The following CPNE4 variants were observed in gnomAD, a reference collection of about 807,000 sequenced individuals.
The protein encoded by CPNE4 is copine-4.
In CPNE4, 25 loss-of-function variants were observed where a neutral mutation model predicts 67.9. That is an observed-to-expected ratio of 0.37 (90% CI 0.27 to 0.51). The LOEUF (loss-of-function observed/expected upper bound fraction) is 0.51, where lower values mean the gene tolerates loss of function less well. CPNE4 is among the 20% of genes least tolerant of loss of function. CPNE4 has a pLI of 0.93. For synonymous variants in CPNE4, 242 were observed against 244.9 expected (o/e 0.99, Z 0.11); for missense variants, 464 against 690.8 (o/e 0.67, Z 3.68).
intron 1 of CPNE4, among the ~76,000 whole-genome samples, chr3:131,961,517 C>A (rs1158140382): frequency 6.6e-6 from 1 of 152,140 alleles, no homozygotes; most frequent in Non-Finnish European, 1.5e-5. Flanking sequence ...TAAGATACAG[C>A]ATTTTCTGTG....
chr3:131,912,901 C>A (rs926023272), intron 1 of CPNE4, among the ~76,000 whole-genome samples: 4 of 152,146 alleles, frequency 2.6e-5, no homozygotes, highest in African/African-American at 9.7e-5. Flanking sequence ...AGCCTGCGGA[C>A]TACACCTTGA....
intron 2 of CPNE4, among the ~76,000 whole-genome samples, chr3:131,806,774 C>T (rs1412991245): frequency 2.0e-5 from 3 of 152,104 alleles, no homozygotes; most frequent in Non-Finnish European, 4.4e-5. Context: ...ACTCCATGTC[C>T]CTTGCCTCTG....
At chr3:131,872,951 A>AACT (rs199897991) in intron 2 of CPNE4, among the ~76,000 whole-genome samples, 10,317 of 152,298 alleles carry the variant, frequency 0.068, 472 homozygotes, top group Middle Eastern at 0.14. Context: ...GCCCTGTCTT[A>AACT]ATTCTTCACC....
chr3:131,856,270 T>C (rs1400343771), intron 2 of CPNE4, among the ~76,000 whole-genome samples: 1 of 151,918 alleles, frequency 6.6e-6, no homozygotes, highest in Non-Finnish European at 1.5e-5. Context: ...ACATAAACCA[T>C]GTCTTACATG....
intron 7 of CPNE4, among the ~76,000 whole-genome samples, chr3:131,629,571 A>G (rs1272392185): frequency 2.0e-5 from 3 of 151,986 alleles, no homozygotes; most frequent in Non-Finnish European, 4.4e-5. Flanking sequence ...CAGTCTCTCA[A>G]GTAGCTGGGA....
At chr3:131,692,327 G>A (rs574162468) in intron 5 of CPNE4, among the ~76,000 whole-genome samples, 57 of 152,264 alleles carry the variant, frequency 3.7e-4, no homozygotes, top group African/African-American at 1.3e-3. Flanking sequence ...ATGCTTATGA[G>A]CTTTGGGGAT....
chr3:131,689,338 A>G (rs773084658), intron 5 of CPNE4, among the ~76,000 whole-genome samples: 4 of 152,144 alleles, frequency 2.6e-5, no homozygotes, highest in Non-Finnish European at 5.9e-5. Context: ...AAAATCCTCA[A>G]CAAAATACTA....
chr3:131,862,853 C>T (rs2086749982), intron 2 of CPNE4, among the ~76,000 whole-genome samples: 1 of 151,614 alleles, frequency 6.6e-6, no homozygotes, highest in Non-Finnish European at 1.5e-5. Flanking sequence ...TGCTATCCCT[C>T]CCCCATCCCC....
intron 1 of CPNE4, among the ~76,000 whole-genome samples, chr3:131,950,707 T>C (rs963077213): frequency 2.0e-5 from 3 of 152,206 alleles, no homozygotes; most frequent in African/African-American, 7.2e-5. Flanking sequence ...TTCCTGGATA[T>C]TAAAATATAG....
chr3:132,015,529 A>ACC (rs1007895820), intron 1 of CPNE4, among the ~76,000 whole-genome samples: 6 of 151,558 alleles, frequency 4.0e-5, no homozygotes, highest in East Asian at 1.9e-4. Context: ...ACACACACAC[A>ACC]CCCAACACAT....
At chr3:131,832,779 TTTTAGAC>T (rs2085423539) in intron 2 of CPNE4, among the ~76,000 whole-genome samples, 1 of 152,140 alleles carries the variant, frequency 6.6e-6, no homozygotes. Context: ...AGACTTTAGA[TTTTAGAC>T]TTTAGAGTTG....
At chr3:131,631,380 T>C (rs1034172704) in intron 7 of CPNE4, among the ~76,000 whole-genome samples, 1 of 152,184 alleles carries the variant, frequency 6.6e-6, no homozygotes, top group East Asian at 1.9e-4. Context: ...AGTAGTTTTA[T>C]GTGGGAAAGG....
At chr3:131,817,777 G>T (rs1300737765) in intron 2 of CPNE4, among the ~76,000 whole-genome samples, 1 of 152,190 alleles carries the variant, frequency 6.6e-6, no homozygotes, top group Admixed American at 6.5e-5. Context: ...GTTACAGAGA[G>T]ACGTATTCTC....
At chr3:131,680,086 T>C (rs1448540886) in intron 6 of CPNE4, among the ~76,000 whole-genome samples, 3 of 152,194 alleles carry the variant, frequency 2.0e-5, no homozygotes, top group Admixed American at 2.0e-4. Flanking sequence ...CTCTAAAAAC[T>C]TGCTATATGA....
At chr3:131,707,153 A>G (rs1261534572) in intron 3 of CPNE4, among the ~76,000 whole-genome samples, 1 of 152,212 alleles carries the variant, frequency 6.6e-6, no homozygotes, top group East Asian at 1.9e-4. Flanking sequence ...ACAAATGACC[A>G]TAAACTCTGT....
chr3:131,737,141 T>TTTTTTGGGG (rs1491475059), intron 2 of CPNE4, among the ~76,000 whole-genome samples: 1 of 106,028 alleles, frequency 9.4e-6, no homozygotes, highest in African/African-American at 3.6e-5. Context: ...TTTTTTTTTT[T>TTTTTTGGGG]GAGAGGGAGT....
chr3:131,964,991 A>T (rs113596894), intron 1 of CPNE4, among the ~76,000 whole-genome samples: 3,403 of 152,316 alleles, frequency 0.022, 58 homozygotes, highest in South Asian at 0.066. Flanking sequence ...AAGGTTACCT[A>T]TAAAGGGAAG....
At chr3:131,743,977 A>AAC (rs1553763709) in intron 2 of CPNE4, among the ~76,000 whole-genome samples, 4 of 148,774 alleles carry the variant, frequency 2.7e-5, no homozygotes, top group African/African-American at 9.8e-5. Context: ...AAAAAAAAAA[A>AAC]AAAAAAACAA....
intron 2 of CPNE4, among the ~76,000 whole-genome samples, chr3:131,776,274 T>C (rs563364747): frequency 1.8e-4 from 18 of 99,036 alleles, no homozygotes; most frequent in African/African-American, 4.9e-4. Context: ...TTCAGTAAGA[T>C]TGTGTCCCTT....
Sources: gnomAD v4.1 joint callset for allele counts (sites outside exome capture counted in the v4.1 genomes callset) on GRCh38, gnomAD v4.1.1 for gene constraint, MANE v1.5 for transcripts, NCBI Gene and HGNC (gene_info 2026-07-23, HGNC 2026-07-21) for gene names.